The following PRMT8 variants were observed in gnomAD, a reference collection of about 807,000 sequenced individuals.
PRMT8 encodes protein arginine N-methyltransferase 8.
PRMT8 carries 7 observed loss-of-function variants against 47.1 expected under a neutral mutation model. That is an observed-to-expected ratio of 0.15 (90% CI 0.08 to 0.28). The LOEUF (loss-of-function observed/expected upper bound fraction) is 0.28. PRMT8 is among the 10% of genes least tolerant of loss of function. The pLI, the probability that PRMT8 is intolerant of heterozygous loss-of-function variation, is 1.00. For synonymous variants in PRMT8, 188 were observed against 186.5 expected, an observed-to-expected ratio of 1.01 and a Z score of -0.07; for missense variants, 237 against 505.4, an observed-to-expected ratio of 0.47 and a Z score of 5.09.
intron 6 of PRMT8, among the ~76,000 whole-genome samples, chr12:3,573,232 T>C (rs1002958464): frequency 1.4e-4 from 21 of 152,316 alleles, no homozygotes; most frequent in African/African-American, 5.1e-4. Context: ...TTTTCAACTT[T>C]ATTGGTTATT....
chr12:3,420,356 G>T (rs1451328248), intron 1 of PRMT8, among the ~76,000 whole-genome samples: 2 of 152,162 alleles, frequency 1.3e-5, no homozygotes, highest in Non-Finnish European at 2.9e-5. Context: ...CTGTGAAATG[G>T]GGATAATAGC....
At chr12:3,575,303 A>G (rs1866918235) in intron 6 of PRMT8, among the ~76,000 whole-genome samples, 1 of 152,256 alleles carries the variant, frequency 6.6e-6, no homozygotes, top group South Asian at 2.1e-4. Context: ...ACGTTCCCTA[A>G]GGTCCTGTTT....
At chr12:3,471,690 G>A (rs954827665) in intron 1 of PRMT8, among the ~76,000 whole-genome samples, 2 of 151,744 alleles carry the variant, frequency 1.3e-5, no homozygotes, top group African/African-American at 4.8e-5. Flanking sequence ...ACGAGCAGCT[G>A]CCTTTTCTCT....
At position 3,458,472 on chromosome 12, in the gene PRMT8, T is replaced by C. The variant is rs1356409067; in HGVS notation, c.48+77030T>C. 2.0e-5 allele frequency among the ~76,000 whole-genome samples: 3 copies of C among 152,322 alleles called. No individual in the cohort carries two copies. The East Asian group carries it at 5.8e-4, about 29-fold the overall frequency. On this transcript the variant is annotated intron_variant, in intron 1 of 9. Transcript: ENST00000452611. ...ACGAGAGGAGGCACAGACACCAGCCTGCCAGGGCCACGCACCACAGGTCAG... is the reference window on the plus strand; with the variant it reads ...ACGAGAGGAGGCACAGACACCAGCCCGCCAGGGCCACGCACCACAGGTCAG...
chr12:3,395,099 G>T (rs747558973), intron 1 of PRMT8, among the ~76,000 whole-genome samples: 26,602 of 139,520 alleles, frequency 0.19, 2,876 homozygotes, highest in Middle Eastern at 0.26. Flanking sequence ...GATTCTTCTC[G>T]CTTTTTTTCT....
At chr12:3,522,277 T>G (rs1865890002) in intron 1 of PRMT8, among the ~76,000 whole-genome samples, 1 of 152,186 alleles carries the variant, frequency 6.6e-6, no homozygotes, top group Non-Finnish European at 1.5e-5. Context: ...CTGTCATTCC[T>G]TAGGTTAAAA....
chr12:3,436,342 A>G lies in PRMT8; in HGVS notation c.48+54900A>G, dbSNP rs1347493710. ...ACAGTTACCACAGACACAGTGAGTG[A>G]CTTTCAAGTTCATGCCTTTGAAAGG... On this transcript the variant is annotated intron_variant, in intron 1 of 9. Coordinates refer to the PRMT8 transcript ENST00000452611. The surrounding 1 kb of genome is among the most constrained non-coding windows in gnomAD (Gnocchi z 4.2). 6.6e-6 allele frequency among the ~76,000 whole-genome samples: 1 copy of G among 152,136 alleles called. No individual in the cohort carries two copies. The highest frequency in any genetic ancestry group is 2.1e-4 in the South Asian group (1 of 4,820).
In PRMT8 at chr12:3,496,199, G is replaced by GATATATATATATAT. The variant is rs1555085720; in HGVS notation, c.75+4502_75+4515dup. 8.1e-3 allele frequency among the ~76,000 whole-genome samples: 254 copies of GATATATATATATAT among 31,296 alleles called. 26 individuals are homozygous for GATATATATATATAT. The highest frequency in any genetic ancestry group is 0.015 in the African/African-American group (114 of 7,410). 20.5% of individuals were successfully genotyped at this position (31,296 alleles called of 152,430 possible). On this transcript the variant is annotated intron_variant, in intron 1 of 9. Coordinates refer to ENST00000382622, the MANE Select transcript of PRMT8 (RefSeq NM_019854.5). ...TTAGCAAAGAGTCACTTTGGAAACT[G>GATATATATATATAT]ATATATATATATATATTTTTTTTTT...
chr12:3,523,135 G>A (rs1219774984), intron 1 of PRMT8, among the ~76,000 whole-genome samples: 4 of 152,152 alleles, frequency 2.6e-5, no homozygotes, highest in East Asian at 1.9e-4. Context: ...TGTCACAAGC[G>A]AACAAATATC....
At chr12:3,521,248 G>A (rs1865875483) in intron 1 of PRMT8, among the ~76,000 whole-genome samples, 1 of 152,136 alleles carries the variant, frequency 6.6e-6, no homozygotes, top group Non-Finnish European at 1.5e-5. Context: ...AGTCACTGGG[G>A]TCGCCCAGGC....
At chr12:3,565,228 G>A (rs1307525896) in intron 4 of PRMT8, among the ~76,000 whole-genome samples, 1 of 151,904 alleles carries the variant, frequency 6.6e-6, no homozygotes, top group Non-Finnish European at 1.5e-5. Context: ...CAGCTTTCTG[G>A]CACTGCAAAG....
chr12:3,421,512 C>T (rs1438535235), intron 1 of PRMT8, among the ~76,000 whole-genome samples: 1 of 152,150 alleles, frequency 6.6e-6, no homozygotes, highest in Admixed American at 6.5e-5. Flanking sequence ...GACTGGGCTC[C>T]AGCCATCTGT....
intron 1 of PRMT8, among the ~76,000 whole-genome samples, chr12:3,462,266 C>CAAT (rs1433037655): frequency 6.6e-6 from 1 of 151,966 alleles, no homozygotes. Flanking sequence ...GCGCTATTTA[C>CAAT]AATAGCAAAG....
At chr12:3,490,675 AAGAGAGAGAGAGAGAGAGAGAGAGAGAG>A (rs370069857), upstream of PRMT8, among the ~76,000 whole-genome samples, 1 of 121,084 alleles carries the variant, frequency 8.3e-6, no homozygotes, top group African/African-American at 3.1e-5. Flanking sequence ...TTTGGGTACA[AAGAGAGAGAGAGAGAGAGAGAGAGAGAG>A]AGAGAGAGAG....
chr12:3,539,196 G>T (rs1332972935), intron 1 of PRMT8, among the ~76,000 whole-genome samples: 1 of 152,216 alleles, frequency 6.6e-6, no homozygotes, highest in Non-Finnish European at 1.5e-5. Flanking sequence ...CTATGTGCCA[G>T]CCTGTTCTAA....
chr12:3,592,357 G>T lies in PRMT8; in HGVS notation c.1101+5G>T. On this transcript the variant is annotated splice_donor_5th_base_variant and intron_variant, in intron 9 of 9. Coordinates refer to ENST00000382622, the MANE Select transcript of PRMT8 (RefSeq NM_019854.5). ...AAGCCAAATGCCAAAAATGTGGTAA[G>T]TGCCGAGGGACATAAGGACATAAGG... The T allele has an allele frequency of 6.2e-7, 1 of 1,602,674 alleles. No individual in the cohort carries two copies. The highest frequency in any genetic ancestry group is 8.5e-7 in the Non-Finnish European group (1 of 1,175,166).
intron 5 of PRMT8, 135 bp downstream of exon 5, chr12:3,568,983 C>A: frequency 8.3e-7 from 1 of 1,210,038 alleles, no homozygotes; most frequent in Non-Finnish European, 1.2e-6. Flanking sequence ...AAGCCCCTCT[C>A]TCTAGAGCAG....
chr12:3,514,389 G>C lies in PRMT8; in HGVS notation c.75+22689G>C, dbSNP rs11062693. 6.6e-6 allele frequency among the ~76,000 whole-genome samples: 1 copy of C among 152,094 alleles called. No individual in the cohort carries two copies. Among genetic ancestry groups the C allele is most frequent in the Admixed American group, 6.5e-5 (1 of 15,282 alleles). ...ATGCCAGCACCAGATTGCTGTTGGG[G>C]TGTGGCTGGCATTCGGGCTGCAAGA... is the stretch of plus-strand genomic sequence containing the variant. On this transcript the variant is annotated intron_variant, in intron 1 of 9. Coordinates refer to ENST00000382622, the MANE Select transcript of PRMT8 (RefSeq NM_019854.5). The surrounding 1 kb of genome is among the most constrained non-coding windows in gnomAD (Gnocchi z 5.9).
intron 1 of PRMT8, among the ~76,000 whole-genome samples, chr12:3,523,894 C>T (rs1300762903): frequency 6.6e-6 from 1 of 152,234 alleles, no homozygotes; most frequent in Non-Finnish European, 1.5e-5. Context: ...GGGCAAAGTT[C>T]AATAAGCCTA....
Sources: gnomAD v4.1 joint callset for allele counts (sites outside exome capture counted in the v4.1 genomes callset) on GRCh38, gnomAD v4.1.1 for gene constraint, Gnocchi (gnomAD v3.1) non-coding constraint, MANE v1.5 for transcripts, NCBI Gene and HGNC (gene_info 2026-07-23, HGNC 2026-07-21) for gene names.